The following DNAH11 variants were observed in gnomAD, a reference collection of about 807,000 sequenced individuals.
The protein encoded by DNAH11 is dynein axonemal heavy chain 11.
Under a neutral mutation model 526.0 loss-of-function variants are expected in DNAH11, and 442 were observed. The ratio of observed to expected loss-of-function variants is 0.84; its 90% CI spans 0.78 to 0.91. The LOEUF is 0.91. Ranked by LOEUF, DNAH11 falls within the 40% of genes least tolerant of loss-of-function variation. The probability of loss-of-function intolerance (pLI) is 0.00; values close to 1 mark genes in which losing one functional copy is unlikely to be tolerated. For synonymous variants in DNAH11, 2,461 were observed against 1,935.9 expected (o/e 1.27, Z -7.12); for missense variants, 6,989 against 5,448.7 (o/e 1.28, Z -8.90).
chr7:21,565,197 G>C (rs1783616800), intron 6 of DNAH11, among the ~76,000 whole-genome samples: 1 of 152,120 alleles, frequency 6.6e-6, no homozygotes, highest in African/African-American at 2.4e-5. Context: ...GATTCTGGTG[G>C]GGGCCCTCTT....
intron 66 of DNAH11, among the ~76,000 whole-genome samples, chr7:21,844,586 T>G (rs1291043824): frequency 6.6e-6 from 1 of 152,184 alleles, no homozygotes; most frequent in Non-Finnish European, 1.5e-5. Flanking sequence ...AGAAAACGAT[T>G]GCCACCCTGG....
At chr7:21,868,099 AG>A in intron 72 of DNAH11, 92 bp downstream of exon 72, 1 of 950,128 alleles carries the variant, frequency 1.1e-6, no homozygotes, top group Non-Finnish European at 1.3e-6. Flanking sequence ...CAGTGATCTT[AG>A]TTTCTTTTTT....
chr7:21,813,608 G>A (rs192792521), intron 63 of DNAH11, among the ~76,000 whole-genome samples: 1 of 152,258 alleles, frequency 6.6e-6, no homozygotes, highest in African/African-American at 2.4e-5. Flanking sequence ...ATGGGCATTT[G>A]GTGTTATAAC....
intron 25 of DNAH11, among the ~76,000 whole-genome samples, chr7:21,632,926 G>A (rs781661850): frequency 1.1e-4 from 17 of 152,288 alleles, no homozygotes; most frequent in African/African-American, 4.1e-4. Context: ...ACATACCCAA[G>A]ATTGGGCAAT....
intron 63 of DNAH11, among the ~76,000 whole-genome samples, chr7:21,812,582 A>G (rs1789576098): frequency 6.6e-6 from 1 of 152,028 alleles, no homozygotes. Flanking sequence ...TGAGCTCAGG[A>G]GTTAGAGGTT....
intron 30 of DNAH11, among the ~76,000 whole-genome samples, chr7:21,681,077 A>G (rs1409413049): frequency 6.6e-6 from 1 of 152,038 alleles, no homozygotes; most frequent in African/African-American, 2.4e-5. Flanking sequence ...AGGGGGTAAT[A>G]ATATTGTGAT....
chr7:21,700,934 G>A (rs113187032), intron 36 of DNAH11, among the ~76,000 whole-genome samples: 3 of 152,254 alleles, frequency 2.0e-5, no homozygotes, highest in African/African-American at 7.2e-5. Flanking sequence ...ACAAGGAGGG[G>A]AACATCACAC....
intron 56 of DNAH11, among the ~76,000 whole-genome samples, chr7:21,778,376 G>A (rs928511965): frequency 2.0e-5 from 3 of 152,104 alleles, no homozygotes; most frequent in Non-Finnish European, 4.4e-5. Context: ...GTATTAAGTT[G>A]AATATTGGGT....
chr7:21,802,056 G>T lies in DNAH11; in HGVS notation c.10165+781G>T, dbSNP rs532234482. Among the ~76,000 whole-genome samples the T allele has an allele frequency of 2.0e-5, 3 of 152,208 alleles. No individual in the cohort carries two copies. The South Asian group carries it at 6.2e-4, about 32-fold the overall frequency. ...CTTTGTTTTCTTGTATCTAAAACAG[G>T]GATGTGGATAACGTTTCCCTTACAA... On this transcript the variant is annotated intron_variant, in intron 62 of 81. Transcript: ENST00000409508.
chr7:21,743,449 C>G (rs1379056176), intron 49 of DNAH11, among the ~76,000 whole-genome samples: 1 of 152,156 alleles, frequency 6.6e-6, no homozygotes. Context: ...TTAAATCCGA[C>G]TAATGTGGTC....
intron 80 of DNAH11, 144 bp from the exon 81 acceptor site, chr7:21,899,836 C>G (rs947061969): frequency 1.2e-4 from 119 of 983,012 alleles, no homozygotes; most frequent in Non-Finnish European, 1.7e-4. Flanking sequence ...GTTGGCCAAC[C>G]CCCTGCTCCA....
intron 30 of DNAH11, among the ~76,000 whole-genome samples, chr7:21,661,926 C>G (rs1039533260): frequency 6.6e-6 from 1 of 152,070 alleles, no homozygotes; most frequent in Admixed American, 6.5e-5. Flanking sequence ...TCAAGCAATT[C>G]TCCTGCCACA....
At position 21,705,066 on chromosome 7, in the gene DNAH11, A is replaced by G. The variant is rs139059136; in HGVS notation, c.6469-394A>G. 6.6e-5 allele frequency among the ~76,000 whole-genome samples: 10 copies of G among 152,336 alleles called. No homozygotes were observed. In the East Asian group the frequency reaches 1.9e-3, roughly 29 times the overall value. ...AGCCTCGTGCATATTTTTCAATTTG[A>G]ATTCAGTGAATGCATGGATATTGAA... is the stretch of plus-strand genomic sequence containing the variant. On this transcript the variant is annotated intron_variant, in intron 38 of 81. Coordinates refer to ENST00000409508, the MANE Select transcript of DNAH11 (RefSeq NM_001277115.2).
chr7:21,898,637 C>G (rs1401728173), intron 79 of DNAH11, among the ~76,000 whole-genome samples: 1 of 152,132 alleles, frequency 6.6e-6, no homozygotes, highest in Admixed American at 6.6e-5. Flanking sequence ...TTAATTTTAT[C>G]GAAGAGGTTC....
In DNAH11 at chr7:21,612,969, A is replaced by G. The variant is rs140064037; in HGVS notation, c.3853-2145A>G. Among the ~76,000 whole-genome samples the G allele has an allele frequency of 3.7e-4, 56 of 152,372 alleles. No individual in the cohort carries two copies. The East Asian group carries it at 0.01, about 28-fold the overall frequency. On this transcript the variant is annotated intron_variant, in intron 20 of 81. Transcript: ENST00000409508. The stretch of plus-strand genomic sequence containing the variant: ...TCATTCAACATTCATTCATGATAGA[A>G]ACACTTAGCAGCCATTTTTTACCTA...
chr7:21,733,532 A>T (rs911189988), intron 45 of DNAH11, among the ~76,000 whole-genome samples: 4 of 152,196 alleles, frequency 2.6e-5, no homozygotes, highest in African/African-American at 9.7e-5. Context: ...TTGAAGGCTG[A>T]GAACCTGTTA....
intron 49 of DNAH11, 37 bp downstream of exon 49, chr7:21,742,203 A>G (rs1176181755): frequency 2.5e-6 from 4 of 1,602,394 alleles, no homozygotes; most frequent in Non-Finnish European, 2.6e-6. Flanking sequence ...TCTTGAGTAG[A>G]GAAATAATGA....
intron 6 of DNAH11, among the ~76,000 whole-genome samples, chr7:21,566,222 C>T (rs1489353147): frequency 1.3e-5 from 2 of 152,122 alleles, no homozygotes; most frequent in African/African-American, 4.8e-5. Flanking sequence ...TCATCCCTGG[C>T]TTCTAGTCTT....
In DNAH11 at chr7:21,634,629, A is replaced by C. The variant is rs138194001; in HGVS notation, c.4501-1242A>C. Among the ~76,000 whole-genome samples the C allele has an allele frequency of 3.0e-3, 461 of 152,292 alleles. 2 individuals carry two copies. Among genetic ancestry groups the C allele is most frequent in the African/African-American group, 0.011 (442 of 41,544 alleles). On this transcript the variant is annotated intron_variant, in intron 25 of 81. Coordinates refer to ENST00000409508, the MANE Select transcript of DNAH11 (RefSeq NM_001277115.2). ...TAAACATTGAGTCCCCTTGGACACA[A>C]AGAAGGGAATGATACACACTGGGGC... is the stretch of plus-strand genomic sequence containing the variant.
Sources: allele counts gnomAD v4.1 joint callset (sites outside exome capture counted in the v4.1 genomes callset), GRCh38; gene constraint gnomAD v4.1.1; transcripts MANE v1.5; gene names NCBI Gene and HGNC (gene_info 2026-07-23, HGNC 2026-07-21).